The following INPP5A variants were observed in gnomAD, a reference collection of about 807,000 sequenced individuals.
INPP5A encodes 43 kDa inositol polyphosphate 5-phophatase.
INPP5A carries 14 observed loss-of-function variants against 65.2 expected under a neutral mutation model. The observed-to-expected ratio is 0.21, with a 90% CI of 0.14 to 0.34. INPP5A has a LOEUF of 0.34. INPP5A is among the 10% of genes least tolerant of loss of function. The pLI is 1.00. For missense variants in INPP5A, 431 were observed against 545.6 expected (o/e 0.79, Z 2.09); for synonymous variants, 207 against 208.3 (o/e 0.99, Z 0.05).
chr10:132,782,222 G>T lies in INPP5A; in HGVS notation c.*193G>T. 3 of 643,848 alleles carry T rather than the reference G, an allele frequency of 4.7e-6. No homozygotes were observed. Among genetic ancestry groups the T allele is most frequent in the Non-Finnish European group, 7.8e-6 (3 of 386,842 alleles). 39.9% of individuals were successfully genotyped at this position (643,848 alleles called of 1,614,324 possible). A position where few individuals can be genotyped will look rare whatever the true frequency, so the allele number is the denominator to read the frequency against. The stretch of plus-strand genomic sequence containing the variant: ...CCTCACATACCTCACTGTCTCGTCT[G>T]TCTATGTGACATTAAGTAGAAATAT... On this transcript the variant is annotated 3_prime_UTR_variant, in exon 16 of 16. Coordinates refer to ENST00000368594, the MANE Select transcript of INPP5A (RefSeq NM_005539.5). This position sits in a 1 kb window ranked among gnomAD's most constrained non-coding sequence, Gnocchi z 4.4.
Position 132,538,076 on chromosome 10 carries a change from C to G in INPP5A, c.-21C>G, listed in dbSNP as rs1250896752. The G allele has an allele frequency of 1.8e-6, 2 of 1,130,454 alleles. No homozygotes were observed. Among genetic ancestry groups the G allele is most frequent in the African/African-American group, 1.6e-5 (1 of 60,624 alleles). The allele number at this position is 1,130,454 out of a possible 1,614,324, so 70.0% of individuals were successfully genotyped here. On this transcript the variant is annotated 5_prime_UTR_variant, in exon 1 of 16. Coordinates refer to ENST00000368594, the MANE Select transcript of INPP5A (RefSeq NM_005539.5). The surrounding 1 kb of genome is among the most constrained non-coding windows in gnomAD (Gnocchi z 4.1). ...CCGCCGCCGCCGCCGCCCAGCCCAG[C>G]GCCCGCGCCGCCCGGGCACCATGGC...
chr10:132,679,393 C>T (rs572727453), intron 4 of INPP5A, among the ~76,000 whole-genome samples: 31 of 152,180 alleles, frequency 2.0e-4, no homozygotes, highest in South Asian at 6.2e-4. Context: ...GTGCAGCCGC[C>T]GGGCCAGGAG....
chr10:132,567,416 G>A (rs577094527), intron 1 of INPP5A, among the ~76,000 whole-genome samples: 37 of 152,332 alleles, frequency 2.4e-4, no homozygotes, highest in Admixed American at 4.6e-4. Context: ...AGAATGCTGG[G>A]ATTACAGGTG....
Position 132,596,663 on chromosome 10 carries a change from C to T in INPP5A, c.76-11252C>T, listed in dbSNP as rs112307706. Among the ~76,000 whole-genome samples the T allele has an allele frequency of 6.5e-3, 986 of 152,284 alleles. 8 individuals carry two copies. The highest frequency in any genetic ancestry group is 0.022 in the African/African-American group (933 of 41,540). On this transcript the variant is annotated intron_variant, in intron 1 of 15. Transcript: ENST00000368594. ...CAGGCTGTTCTTGAGAATTCCTGAC[C>T]TCGTGATCCACCCTCCTTGGCCTCC...
intron 1 of INPP5A, among the ~76,000 whole-genome samples, chr10:132,554,632 G>A (rs1431415118): frequency 6.6e-6 from 1 of 151,684 alleles, no homozygotes; most frequent in Non-Finnish European, 1.5e-5. Context: ...TAGCACTGAT[G>A]TGGGTAGCGT....
At chr10:132,571,210 G>A (rs115074839) in intron 1 of INPP5A, among the ~76,000 whole-genome samples, 111 of 152,386 alleles carry the variant, frequency 7.3e-4, no homozygotes, top group Non-Finnish European at 1.3e-3. Flanking sequence ...GCTGAATGAG[G>A]TGAACAGCAA....
chr10:132,750,138 G>A (rs1590981967), intron 11 of INPP5A, among the ~76,000 whole-genome samples: 1 of 152,254 alleles, frequency 6.6e-6, no homozygotes, highest in Non-Finnish European at 1.5e-5. Flanking sequence ...GGTGCTGTGG[G>A]GTGGGGAGGA....
chr10:132,761,151 G>A (rs542873679), intron 11 of INPP5A, among the ~76,000 whole-genome samples: 35 of 152,348 alleles, frequency 2.3e-4, no homozygotes, highest in African/African-American at 6.5e-4. Context: ...AGGTCATGGC[G>A]TCTTCGGGTG....
intron 1 of INPP5A, among the ~76,000 whole-genome samples, chr10:132,605,991 C>T (rs756017229): frequency 1.2e-4 from 18 of 152,186 alleles, no homozygotes; most frequent in Non-Finnish European, 2.2e-4. Context: ...GTCATATCCA[C>T]GGTTTAAATG....
intron 6 of INPP5A, among the ~76,000 whole-genome samples, chr10:132,703,672 G>A (rs1390570920): frequency 5.1e-5 from 3 of 58,454 alleles, no homozygotes; most frequent in African/African-American, 2.3e-4. Context: ...ACACACACAC[G>A]TGCAGCTTCA....
At chr10:132,722,398 G>GA (rs777389064) in intron 8 of INPP5A, among the ~76,000 whole-genome samples, 3 of 151,926 alleles carry the variant, frequency 2.0e-5, no homozygotes, top group Non-Finnish European at 4.4e-5. Context: ...CTCCTTGGGG[G>GA]AAAAAAAACT....
At chr10:132,544,793 T>G (rs552143233) in intron 1 of INPP5A, among the ~76,000 whole-genome samples, 54 of 152,296 alleles carry the variant, frequency 3.5e-4, no homozygotes, top group Non-Finnish European at 6.6e-4. Flanking sequence ...CTCTTTGGAT[T>G]GTTACTGATT....
At chr10:132,596,390 G>A (rs1276767899) in intron 1 of INPP5A, among the ~76,000 whole-genome samples, 1 of 152,006 alleles carries the variant, frequency 6.6e-6, no homozygotes, top group Non-Finnish European at 1.5e-5. Flanking sequence ...CTTGGCAGAA[G>A]AGGACACCCA....
chr10:132,546,613 C>T lies in INPP5A; in HGVS notation c.75+8442C>T, dbSNP rs946508873. Among the ~76,000 whole-genome samples, 5 of 152,156 alleles carry T rather than the reference C, an allele frequency of 3.3e-5. No individual in the cohort carries two copies. Among genetic ancestry groups the T allele is most frequent in the African/African-American group, 1.2e-4 (5 of 41,430 alleles). On this transcript the variant is annotated intron_variant, in intron 1 of 15. Transcript: ENST00000368594. The surrounding 1 kb of genome is among the most constrained non-coding windows in gnomAD (Gnocchi z 5.7). The stretch of plus-strand genomic sequence containing the variant: ...GCTGCTGGGGCAGCTTTCCCCGGCC[C>T]CTTCCCCGCCTCCTTCCCACTCTGG...
intron 12 of INPP5A, among the ~76,000 whole-genome samples, chr10:132,771,383 G>T (rs1200543635): frequency 6.6e-6 from 1 of 152,244 alleles, no homozygotes; most frequent in East Asian, 1.9e-4. Context: ...GCACGGCCCG[G>T]CCTCTGCCTG....
intron 4 of INPP5A, among the ~76,000 whole-genome samples, chr10:132,688,446 T>A (rs997877971): frequency 6.6e-6 from 1 of 152,230 alleles, no homozygotes; most frequent in Admixed American, 6.5e-5. Context: ...AATTAGGTGA[T>A]GTTCAGGCAT....
intron 2 of INPP5A, among the ~76,000 whole-genome samples, chr10:132,624,991 C>T (rs1054684089): frequency 6.6e-6 from 1 of 152,192 alleles, no homozygotes; most frequent in African/African-American, 2.4e-5. Context: ...GTCACTGTCC[C>T]TGCTGCCACC....
chr10:132,628,469 G>C lies in INPP5A; in HGVS notation c.118-17399G>C, dbSNP rs984136831. Among the ~76,000 whole-genome samples, 15 of 148,468 alleles carry C rather than the reference G, an allele frequency of 1.0e-4. 2 individuals carry two copies. Among genetic ancestry groups the C allele is most frequent in the African/African-American group, 1.0e-4 (4 of 39,594 alleles). On this transcript the variant is annotated intron_variant, in intron 2 of 15. Coordinates refer to ENST00000368594, the MANE Select transcript of INPP5A (RefSeq NM_005539.5). ...TCCAGATGTGCTCTGGTGGCGGGGG[G>C]GGGGGGGGGCGTGGCGTGGGGGACA...
Position 132,679,390 on chromosome 10 carries a change from C to T in INPP5A, c.307-11002C>T, listed in dbSNP as rs558244909. On this transcript the variant is annotated intron_variant, in intron 4 of 15. Transcript: ENST00000368594. Reference sequence around the variant, plus strand: ...GAGACCCAAGTGGAGACTGTGCAGCCGCCGGGCCAGGAGGCTGGCCTTTAG... The same window carrying T: ...GAGACCCAAGTGGAGACTGTGCAGCTGCCGGGCCAGGAGGCTGGCCTTTAG... 1.5e-4 allele frequency among the ~76,000 whole-genome samples: 23 copies of T among 152,182 alleles called. 1 individual carries two copies. The highest frequency in any genetic ancestry group is 1.0e-3 in the South Asian group (5 of 4,818).
Sources: gnomAD v4.1 joint callset for allele counts (sites outside exome capture counted in the v4.1 genomes callset) on GRCh38, gnomAD v4.1.1 for gene constraint, Gnocchi (gnomAD v3.1) non-coding constraint, MANE v1.5 for transcripts, NCBI Gene and HGNC (gene_info 2026-07-23, HGNC 2026-07-21) for gene names.